ENTPD5: variants seen among roughly 807,000 people sequenced by gnomAD.
ENTPD5 encodes ectonucleoside triphosphate diphosphohydrolase 5 (inactive).
Under a neutral mutation model 60.2 loss-of-function variants are expected in ENTPD5, and 49 were observed. The ratio of observed to expected loss-of-function variants is 0.81; its 90% CI spans 0.65 to 1.03. The LOEUF (loss-of-function observed/expected upper bound fraction) is 1.03. ENTPD5 is among the 50% of genes least tolerant of loss of function. The probability of loss-of-function intolerance (pLI) is 0.00; values close to 1 mark genes in which losing one functional copy is unlikely to be tolerated. For synonymous variants in ENTPD5, 187 were observed against 185.4 expected (o/e 1.01, Z -0.07); for missense variants, 480 against 507.6 (o/e 0.95, Z 0.52).
chr14:74,001,041 T>A (rs2058490143), intron 3 of ENTPD5, among the ~76,000 whole-genome samples: 1 of 151,890 alleles, frequency 6.6e-6, no homozygotes, highest in African/African-American at 2.4e-5. Flanking sequence ...GACAACACAG[T>A]GAGACCCTAT....
Position 73,973,000 on chromosome 14 carries a change from T to A in ENTPD5, c.911A>T (p.Tyr304Phe). Reference protein sequence around the residue: ...QEGEVGFEPCYAEVLRVVRGK... With the variant: ...QEGEVGFEPCFAEVLRVVRGK... The stretch of plus-strand genomic sequence containing the variant: ...TCGTACCACCCTCAGCACTTCGGCA[T>A]AGCAGGGCTCAAAGCCCACCTCCCC... Residue 304 changes from tyrosine (Y) to phenylalanine (F), a missense_variant, in exon 13 of 16, where the codon TAT (tyrosine) becomes TTT (phenylalanine). By Grantham distance (22) the Tyr-to-Phe change is conservative. Transcript: ENST00000334696. 6.2e-7 allele frequency: 1 copy of A among 1,614,188 alleles called. No individual in the cohort carries two copies. Among genetic ancestry groups the A allele is most frequent in the South Asian group, 1.1e-5 (1 of 91,086 alleles).
chr14:73,972,750 C>T, intron 13 of ENTPD5, 134 bp downstream of exon 13: 1 of 1,031,514 alleles, frequency 9.7e-7, no homozygotes, highest in African/African-American at 1.6e-5. Context: ...TCATTTCCAC[C>T]CTTTTGTTCG....
chr14:73,981,069 A>G (rs928315280), intron 6 of ENTPD5, among the ~76,000 whole-genome samples: 4 of 152,188 alleles, frequency 2.6e-5, no homozygotes, highest in African/African-American at 9.7e-5. Context: ...ACTGCACTCC[A>G]GCCTGGGCGA....
chr14:73,970,507 G>C (rs895087998), intron 14 of ENTPD5, among the ~76,000 whole-genome samples: 4 of 152,044 alleles, frequency 2.6e-5, no homozygotes, highest in African/African-American at 9.6e-5. Flanking sequence ...AAAAAGGTAG[G>C]GGGAGAAGAA....
At chr14:74,011,747 G>A (rs775106492) in intron 2 of ENTPD5, among the ~76,000 whole-genome samples, 3 of 152,174 alleles carry the variant, frequency 2.0e-5, no homozygotes, top group Non-Finnish European at 4.4e-5. Flanking sequence ...GCAGTGAGCC[G>A]AGATGTGAGG....
At position 73,994,657 on chromosome 14, in the gene ENTPD5, C is replaced by T. The variant is rs376631745; in HGVS notation, c.-70-6485G>A. Among the ~76,000 whole-genome samples, 8 of 150,208 alleles carry T rather than the reference C, an allele frequency of 5.3e-5. No individual in the cohort carries two copies. The South Asian group carries it at 6.3e-4, about 12-fold the overall frequency. On this transcript the variant is annotated intron_variant, in intron 3 of 15. Coordinates refer to ENST00000334696, the MANE Select transcript of ENTPD5 (RefSeq NM_001249.5). Reference sequence around the variant, plus strand: ...CTGAGTCAGGAGAATCGCTTGAACCCGGGAGGCGGAGGTTGCAATGAGATA... The same window carrying T: ...CTGAGTCAGGAGAATCGCTTGAACCTGGGAGGCGGAGGTTGCAATGAGATA...
chr14:73,982,464 T>C (rs1163676060), intron 6 of ENTPD5, among the ~76,000 whole-genome samples: 1 of 152,048 alleles, frequency 6.6e-6, no homozygotes, highest in Non-Finnish European at 1.5e-5. Context: ...TCTAAAAGAA[T>C]GAAGAATATC....
chr14:73,991,927 A>AG (rs2058152264), intron 3 of ENTPD5, among the ~76,000 whole-genome samples: 1 of 151,406 alleles, frequency 6.6e-6, no homozygotes, highest in East Asian at 1.9e-4. Flanking sequence ...TGAACCCGGG[A>AG]GGTGAAGGGT....
chr14:73,967,937 C>A (rs1276701771), intron 15 of ENTPD5, among the ~76,000 whole-genome samples: 1 of 151,940 alleles, frequency 6.6e-6, no homozygotes, highest in African/African-American at 2.4e-5. Context: ...ATAGCCTGGC[C>A]AACATGGTGA....
At chr14:74,002,924 C>A (rs61091897) in intron 3 of ENTPD5, among the ~76,000 whole-genome samples, 1 of 152,278 alleles carries the variant, frequency 6.6e-6, no homozygotes, top group Non-Finnish European at 1.5e-5. Context: ...TTACTCTCCC[C>A]CAACACTGAC....
downstream of ENTPD5, chr14:73,962,957 A>AT: frequency 3.1e-6 from 5 of 1,598,984 alleles, no homozygotes; most frequent in Non-Finnish European, 4.3e-6. Context: ...ATTCACTTTT[A>AT]TTTTTTCTCC....
In ENTPD5 at chr14:73,973,560, C is replaced by T. The variant is rs140046741; in HGVS notation, c.886+317G>A. On this transcript the variant is annotated intron_variant, in intron 12 of 15. Transcript: ENST00000334696. ...CCCAGGCTGGAGTGCAGTGGCATTG[C>T]GCACTATAGCCTTGAACTCATGGGC... 9.9e-4 allele frequency among the ~76,000 whole-genome samples: 150 copies of T among 152,234 alleles called. 1 individual carries two copies. Among genetic ancestry groups the T allele is most frequent in the East Asian group, 1.7e-3 (9 of 5,172 alleles).
At chr14:73,999,489 C>A (rs1240941073) in intron 3 of ENTPD5, among the ~76,000 whole-genome samples, 4 of 144,576 alleles carry the variant, frequency 2.8e-5, no homozygotes, top group African/African-American at 7.7e-5. Context: ...CTCTGCCCCC[C>A]ACCCCCCCAA....
chr14:73,976,006 C>T lies in ENTPD5; in HGVS notation c.652G>A (p.Glu218Lys). The stretch of plus-strand genomic sequence containing the variant: ...GTGAGGTAGCCCCTAGGAGTTTGTT[C>T]CAGAGTTTTCTGCAAATCAGAAAAA... ...TFLPQFEKTL[E>K]QTPRGYLTSF... The change falls in exon 10 of 16, where the codon GAA becomes AAA. Residue 218 changes from glutamate (E) to lysine (K), a missense_variant. By Grantham distance (56) the Glu-to-Lys change is moderately conservative. Coordinates refer to ENST00000334696, the MANE Select transcript of ENTPD5 (RefSeq NM_001249.5). The T allele has an allele frequency of 6.2e-7, 1 of 1,613,070 alleles. No individual in the cohort carries two copies. The highest frequency in any genetic ancestry group is 2.2e-5 in the East Asian group (1 of 44,872).
chr14:73,985,009 C>A (rs183073759), intron 5 of ENTPD5, among the ~76,000 whole-genome samples: 2 of 152,126 alleles, frequency 1.3e-5, no homozygotes, highest in Non-Finnish European at 2.9e-5. Flanking sequence ...TCTGTTCTTG[C>A]GACAGTTTGC....
At chr14:73,986,554 G>C (rs1301828829) in intron 5 of ENTPD5, 4 of 393,430 alleles carry the variant, frequency 1.0e-5, no homozygotes, top group Non-Finnish European at 1.8e-5. Context: ...ATTTTAAACA[G>C]TAAGTACATA....
At position 73,971,894 on chromosome 14, in the gene ENTPD5, C is replaced by T; in HGVS notation, c.1042G>A (p.Gly348Ser). The change falls in exon 14 of 16, where the codon GGT becomes AGT. Residue 348 changes from glycine to serine, a missense_variant. Gly to Ser is a moderately conservative substitution (Grantham distance 56). Transcript: ENST00000334696. Reference protein sequence around the residue: ...DTDMIDYEKGGILKVEDFERK... With the variant: ...DTDMIDYEKGSILKVEDFERK... Reference sequence around the variant, plus strand: ...TCAAAATCTTCAACTTTTAAAATACCCCCCTTTTCATAATCTGAAATAAAA... The same window carrying T: ...TCAAAATCTTCAACTTTTAAAATACTCCCCTTTTCATAATCTGAAATAAAA... 2 of 1,596,120 alleles carry T rather than the reference C, an allele frequency of 1.3e-6. No individual in the cohort carries two copies. The highest frequency in any genetic ancestry group is 1.7e-6 in the Non-Finnish European group (2 of 1,163,714).
At chr14:73,992,898 G>A (rs192940210) in intron 3 of ENTPD5, among the ~76,000 whole-genome samples, 400 of 152,132 alleles carry the variant, frequency 2.6e-3, no homozygotes, top group Non-Finnish European at 4.5e-3. Flanking sequence ...AGCTACTTGG[G>A]AGGCTGAAGT....
Position 73,988,016 on chromosome 14 carries a change from C to T in ENTPD5, c.87G>A (p.Trp29Ter). ...SAVSHRNQQT[W>*]FEGIFLSSMC... is the part of the protein sequence containing the mutation. ...TGGAAGACAGGAAGATACCCTCAAACCAAGTCTGCTGGTTCCTGTGGGAGA... is the reference window on the plus strand; with the variant it reads ...TGGAAGACAGGAAGATACCCTCAAATCAAGTCTGCTGGTTCCTGTGGGAGA... The change falls in exon 4 of 16, where the codon TGG becomes TGA. Residue 29 changes from tryptophan to a stop codon, truncating the protein, a stop_gained. Transcript: ENST00000334696. LOFTEE classifies it high-confidence loss of function. The T allele has an allele frequency of 6.2e-7, 1 of 1,614,170 alleles. No individual in the cohort carries two copies. The highest frequency in any genetic ancestry group is 8.5e-7 in the Non-Finnish European group (1 of 1,180,028).
Sources: gnomAD v4.1 joint callset for allele counts (sites outside exome capture counted in the v4.1 genomes callset) on GRCh38, gnomAD v4.1.1 for gene constraint, MANE v1.5 for transcripts, NCBI Gene and HGNC (gene_info 2026-07-23, HGNC 2026-07-21) for gene names.